The following KPNA4 variants were observed in gnomAD, a reference collection of about 807,000 sequenced individuals.
The protein encoded by KPNA4 is karyopherin subunit alpha 4, also known as importin subunit alpha-3.
Under a neutral mutation model 71.3 loss-of-function variants are expected in KPNA4, and 13 were observed. That is an observed-to-expected ratio of 0.18 (90% CI 0.12 to 0.29). The LOEUF (loss-of-function observed/expected upper bound fraction) is 0.29, where lower values mean the gene tolerates loss of function less well. Ranked by LOEUF, KPNA4 falls within the 10% of genes least tolerant of loss-of-function variation. The probability of loss-of-function intolerance (pLI) is 1.00; values close to 1 mark genes in which losing one functional copy is unlikely to be tolerated. For missense variants in KPNA4, 334 were observed against 603.2 expected, an observed-to-expected ratio of 0.55 and a Z score of 4.67; for synonymous variants, 189 against 195.2, an observed-to-expected ratio of 0.97 and a Z score of 0.26.
chr3:160,555,449 G>A (rs1722118058), intron 1 of KPNA4, among the ~76,000 whole-genome samples: 1 of 152,148 alleles, frequency 6.6e-6, no homozygotes, highest in Non-Finnish European at 1.5e-5. Flanking sequence ...GCCTGAAGCT[G>A]CAGATAGTAC....
In KPNA4 at chr3:160,529,787, AT is replaced by A. The variant is rs199845514; in HGVS notation, c.469+1067del. 9.2e-3 allele frequency among the ~76,000 whole-genome samples: 1,402 copies of A among 152,208 alleles called. 12 individuals carry two copies. Among genetic ancestry groups the A allele is most frequent in the Non-Finnish European group, 0.016 (1,078 of 68,014 alleles). On this transcript the variant is annotated intron_variant, in intron 7 of 16. Coordinates refer to ENST00000334256, the MANE Select transcript of KPNA4 (RefSeq NM_002268.5). ...CTATTATAATAACAATGAAAAAAAA[AT>A]TCGAGCCATTCTTTCAACTAGGACT...
At chr3:160,540,486 G>C (rs1211836559) in intron 1 of KPNA4, among the ~76,000 whole-genome samples, 1 of 152,088 alleles carries the variant, frequency 6.6e-6, no homozygotes, top group Non-Finnish European at 1.5e-5. Flanking sequence ...CTTCATTATA[G>C]AGCAAGGGTT....
rs71314005 is a variant in KPNA4 at position 160,559,644 on chromosome 3, T to C, written c.69+5570A>G. 3.1e-3 allele frequency among the ~76,000 whole-genome samples: 469 copies of C among 152,264 alleles called. 7 individuals are homozygous for C. The South Asian group carries it at 0.038, about 12-fold the overall frequency. Reference sequence around the variant, plus strand: ...TTTAAGAAACTACCTCTTGCAGAATTACGGTGTAGTATCACTTAATCTCCA... The same window carrying C: ...TTTAAGAAACTACCTCTTGCAGAATCACGGTGTAGTATCACTTAATCTCCA... On this transcript the variant is annotated intron_variant, in intron 1 of 16. Transcript: ENST00000334256.
chr3:160,535,058 C>T (rs1157674561), intron 5 of KPNA4, among the ~76,000 whole-genome samples: 2 of 152,106 alleles, frequency 1.3e-5, no homozygotes, highest in African/African-American at 2.4e-5. Flanking sequence ...TGTCTATGTA[C>T]ACTGACATAG....
At chr3:160,514,054 T>A (rs749670221) in intron 13 of KPNA4, 23 bp downstream of exon 13, 15 of 1,348,862 alleles carry the variant, frequency 1.1e-5, no homozygotes, top group Non-Finnish European at 1.5e-5. Context: ...AGATAAATGA[T>A]ACATATAACA....
At chr3:160,548,206 GT>G (rs1213971950) in intron 1 of KPNA4, among the ~76,000 whole-genome samples, 1 of 150,900 alleles carries the variant, frequency 6.6e-6, no homozygotes, top group South Asian at 2.1e-4. Context: ...AGTGCTCTGG[GT>G]TTTTTTTTGT....
At chr3:160,503,055 G>A (rs1720915070) in intron 16 of KPNA4, among the ~76,000 whole-genome samples, 1 of 152,196 alleles carries the variant, frequency 6.6e-6, no homozygotes, top group Middle Eastern at 3.4e-3. Context: ...AGGTTGCAGT[G>A]AGCCAAGATT....
chr3:160,513,881 C>G (rs1273350929), intron 13 of KPNA4, among the ~76,000 whole-genome samples, 196 bp downstream of exon 13: 2 of 151,724 alleles, frequency 1.3e-5, no homozygotes, highest in Admixed American at 1.3e-4. Context: ...CTAGGATTTG[C>G]CCCCCACCCC....
chr3:160,530,805 C>T (rs375041533), intron 7 of KPNA4, 50 bp downstream of exon 7: 32 of 1,277,288 alleles, frequency 2.5e-5, no homozygotes, highest in African/African-American at 1.6e-4. Context: ...TATTTTTTAC[C>T]GACTTCTTTT....
chr3:160,526,316 C>T (rs1019237507), intron 8 of KPNA4, among the ~76,000 whole-genome samples: 27 of 152,308 alleles, frequency 1.8e-4, no homozygotes, highest in African/African-American at 6.0e-4. Context: ...ACATTATTCC[C>T]ATCTTCAGCA....
chr3:160,512,766 A>G (rs1721122886), intron 13 of KPNA4, among the ~76,000 whole-genome samples: 1 of 152,140 alleles, frequency 6.6e-6, no homozygotes, highest in Admixed American at 6.5e-5. Flanking sequence ...CGGGAGGTAG[A>G]GATTGCAGTG....
intron 10 of KPNA4, among the ~76,000 whole-genome samples, chr3:160,523,359 T>G (rs1023377972): frequency 6.6e-6 from 1 of 151,982 alleles, no homozygotes; most frequent in Admixed American, 6.6e-5. Flanking sequence ...TTTATGACCC[T>G]GACTTTAAAA....
At chr3:160,502,363 G>GTT (rs969492793) in intron 16 of KPNA4, among the ~76,000 whole-genome samples, 161 bp from the exon 17 acceptor site, 1 of 148,792 alleles carries the variant, frequency 6.7e-6, no homozygotes, top group African/African-American at 2.5e-5. Flanking sequence ...TTTATAGAAG[G>GTT]TTTTTTTTTT....
At chr3:160,520,022 T>C (rs1332532684) in intron 11 of KPNA4, among the ~76,000 whole-genome samples, 1 of 152,104 alleles carries the variant, frequency 6.6e-6, no homozygotes, top group African/African-American at 2.4e-5. Context: ...GTAGAGAATT[T>C]CAACTTTCTT....
chr3:160,540,157 G>A (rs1027643770), intron 1 of KPNA4, among the ~76,000 whole-genome samples: 7 of 151,614 alleles, frequency 4.6e-5, no homozygotes, highest in Admixed American at 3.3e-4. Context: ...ATGCCACCAC[G>A]CCCGGCTAAG....
chr3:160,514,745 G>C (rs1721168662), intron 12 of KPNA4, among the ~76,000 whole-genome samples: 2 of 152,270 alleles, frequency 1.3e-5, no homozygotes, highest in African/African-American at 4.8e-5. Context: ...CCAGATATTT[G>C]ATTGTTTTAT....
In KPNA4 at chr3:160,519,085, T is replaced by A. The variant is rs372609548; in HGVS notation, c.903+2694A>T. Among the ~76,000 whole-genome samples, 350 of 112,906 alleles carry A rather than the reference T, an allele frequency of 3.1e-3. 1 individual carries two copies. The highest frequency in any genetic ancestry group is 6.2e-3 in the Non-Finnish European group (265 of 42,948). 74.1% of individuals were successfully genotyped at this position (112,906 alleles called of 152,430 possible). A position where few individuals can be genotyped will look rare whatever the true frequency, so the allele number is the denominator to read the frequency against. ...TTATATTTCCATATGGATTTTAAGATCTGTTTGTAAAATTCTGCCAAAAAC... is the reference window on the plus strand; with the variant it reads ...TTATATTTCCATATGGATTTTAAGAACTGTTTGTAAAATTCTGCCAAAAAC... On this transcript the variant is annotated intron_variant, in intron 11 of 16. Coordinates refer to ENST00000334256, the MANE Select transcript of KPNA4 (RefSeq NM_002268.5).
At position 160,565,443 on chromosome 3, in the gene KPNA4, C is replaced by T. The variant is rs963017544; in HGVS notation, c.-161G>A. The T allele has an allele frequency of 1.5e-5, 9 of 605,444 alleles. No individual in the cohort carries two copies. In the South Asian group the frequency reaches 1.6e-4, roughly 11 times the overall value. 37.5% of individuals were successfully genotyped at this position (605,444 alleles called of 1,614,324 possible). A position where few individuals can be genotyped will look rare whatever the true frequency, so the allele number is the denominator to read the frequency against. On this transcript the variant is annotated 5_prime_UTR_variant, in exon 1 of 17. Coordinates refer to ENST00000334256, the MANE Select transcript of KPNA4 (RefSeq NM_002268.5). ...TCACCTGCCTCCGCCGCGGCCTTCTCCTCTCCCCGCCCGCCCCCCCGCCCT... is the reference window on the plus strand; with the variant it reads ...TCACCTGCCTCCGCCGCGGCCTTCTTCTCTCCCCGCCCGCCCCCCCGCCCT...
At chr3:160,539,827 G>A (rs1316536863) in intron 1 of KPNA4, among the ~76,000 whole-genome samples, 2 of 152,092 alleles carry the variant, frequency 1.3e-5, no homozygotes, top group South Asian at 2.1e-4. Context: ...GAGGATTAAG[G>A]TATAATGGGC....
Sources: allele counts gnomAD v4.1 joint callset (sites outside exome capture counted in the v4.1 genomes callset), GRCh38; gene constraint gnomAD v4.1.1; transcripts MANE v1.5; gene names NCBI Gene and HGNC (gene_info 2026-07-23, HGNC 2026-07-21).